PARP16: variants seen among roughly 807,000 people sequenced by gnomAD.
PARP16 encodes the protein poly(ADP-ribose) polymerase family member 16.
Under a neutral mutation model 35.0 loss-of-function variants are expected in PARP16, and 31 were observed. The observed-to-expected ratio is 0.88, with a 90% CI of 0.66 to 1.19. The LOEUF is 1.19. PARP16 is among the 50% of genes most tolerant of loss of function. PARP16 has a pLI of 0.00. For synonymous variants in PARP16, 162 were observed against 169.5 expected, an observed-to-expected ratio of 0.96 and a Z score of 0.34; for missense variants, 424 against 411.2, an observed-to-expected ratio of 1.03 and a Z score of -0.27.
chr15:65,265,303 G>A (rs2089854317), intron 3 of PARP16, among the ~76,000 whole-genome samples: 1 of 152,210 alleles, frequency 6.6e-6, no homozygotes, highest in African/African-American at 2.4e-5. Flanking sequence ...TACACAAAGA[G>A]CCCTTTGCAT....
intron 3 of PARP16, among the ~76,000 whole-genome samples, chr15:65,240,391 C>A (rs1298548858): frequency 6.7e-6 from 1 of 149,110 alleles, no homozygotes; most frequent in African/African-American, 2.5e-5. Flanking sequence ...GCCACAACGC[C>A]CGGCCAATTT....
Position 65,273,276 on chromosome 15 carries a change from C to CAAA in PARP16, c.175-2207_175-2205dup, listed in dbSNP as rs1233896826. On this transcript the variant is annotated intron_variant, in intron 1 of 5. Coordinates refer to ENST00000649807, the MANE Select transcript of PARP16 (RefSeq NM_001316943.2). The stretch of plus-strand genomic sequence containing the variant: ...CTGGTGACAGAGAGAGACTCTGTCT[C>CAAA]AAAAAAAAAAAAAAAAAAGAATACC... Among the ~76,000 whole-genome samples the CAAA allele has an allele frequency of 1.9e-3, 111 of 57,532 alleles. 2 individuals carry two copies. Among genetic ancestry groups the CAAA allele is most frequent in the African/African-American group, 4.2e-3 (81 of 19,248 alleles). The allele number at this position is 57,532 out of a possible 152,430, so 37.7% of individuals were successfully genotyped here. A position where few individuals can be genotyped will look rare whatever the true frequency, so the allele number is the denominator to read the frequency against.
chr15:65,236,455 A>G (rs933161928), intron 3 of PARP16, among the ~76,000 whole-genome samples: 1 of 152,332 alleles, frequency 6.6e-6, no homozygotes, highest in African/African-American at 2.4e-5. Context: ...CTGGAACACC[A>G]TTGGATGCTA....
intron 1 of PARP16, among the ~76,000 whole-genome samples, chr15:65,282,090 C>T (rs1179206467): frequency 6.6e-6 from 1 of 152,208 alleles, no homozygotes; most frequent in East Asian, 1.9e-4. Context: ...CGGCCCACTA[C>T]AGCCTTGACC....
chr15:65,253,540 C>T (rs972777946), downstream of PARP16, among the ~76,000 whole-genome samples: 50 of 151,798 alleles, frequency 3.3e-4, no homozygotes, highest in East Asian at 2.2e-3. Flanking sequence ...CTGTTTTAGC[C>T]GGGATGGTCT....
intron 3 of PARP16, 114 bp downstream of exon 3, chr15:65,266,448 A>T: frequency 1.2e-6 from 1 of 805,284 alleles, no homozygotes; most frequent in Non-Finnish European, 2.1e-6. Flanking sequence ...AGAAGGCGTT[A>T]GTAAACCTAC....
chr15:65,232,312 T>A (rs2088786889), downstream of PARP16, among the ~76,000 whole-genome samples: 3 of 152,184 alleles, frequency 2.0e-5, no homozygotes, highest in South Asian at 6.2e-4. Context: ...TTTCTCTCAG[T>A]AGTGTGTATT....
At chr15:65,284,125 G>T (rs1490696100) in intron 1 of PARP16, among the ~76,000 whole-genome samples, 1 of 152,106 alleles carries the variant, frequency 6.6e-6, no homozygotes, top group South Asian at 2.1e-4. Flanking sequence ...CGCTAAACAC[G>T]TGTTGATTCT....
chr15:65,232,239 C>T (rs2088786153), downstream of PARP16, among the ~76,000 whole-genome samples: 1 of 152,104 alleles, frequency 6.6e-6, no homozygotes, highest in Non-Finnish European at 1.5e-5. Context: ...ATATCTAGCT[C>T]ACACATTCAC....
In PARP16 at chr15:65,286,534, G is replaced by C; in HGVS notation, c.-108C>G. On this transcript the variant is annotated 5_prime_UTR_variant, in exon 1 of 6. Transcript: ENST00000649807. Reference sequence around the variant, plus strand: ...CGGACAATGGGCCGTCAGGGGCCGGGTTCCCAAGCCTGGGGTGGAGCTAGG... The same window carrying C: ...CGGACAATGGGCCGTCAGGGGCCGGCTTCCCAAGCCTGGGGTGGAGCTAGG... 4 of 847,690 alleles carry C rather than the reference G, an allele frequency of 4.7e-6. No homozygotes were observed. The South Asian group carries it at 8.1e-5, about 17-fold the overall frequency. The allele number at this position is 847,690 out of a possible 1,614,324, so 52.5% of individuals were successfully genotyped here.
At chr15:65,251,568 T>A (rs2089358644) in intron 2 of PARP16, among the ~76,000 whole-genome samples, 1 of 149,828 alleles carries the variant, frequency 6.7e-6, no homozygotes, top group Non-Finnish European at 1.5e-5. Context: ...GCCTCTCACA[T>A]TCAGGACCAC....
At chr15:65,278,692 C>G (rs1421216281) in intron 1 of PARP16, among the ~76,000 whole-genome samples, 1 of 152,142 alleles carries the variant, frequency 6.6e-6, no homozygotes, top group Non-Finnish European at 1.5e-5. Flanking sequence ...TGATTCTTAT[C>G]ATCAGGAAAA....
At chr15:65,283,030 T>A (rs2090465805) in intron 1 of PARP16, among the ~76,000 whole-genome samples, 2 of 152,208 alleles carry the variant, frequency 1.3e-5, no homozygotes, top group South Asian at 4.1e-4. Flanking sequence ...CCCCTTTGCA[T>A]GTATCCCATA....
At chr15:65,273,578 T>C (rs1567033958) in intron 1 of PARP16, among the ~76,000 whole-genome samples, 1 of 151,914 alleles carries the variant, frequency 6.6e-6, no homozygotes, top group Non-Finnish European at 1.5e-5. Context: ...GCCTCATATA[T>C]TGTAATAAAA....
intron 3 of PARP16, among the ~76,000 whole-genome samples, chr15:65,235,703 G>A (rs921923443): frequency 6.6e-6 from 1 of 151,332 alleles, no homozygotes; most frequent in African/African-American, 2.4e-5. Flanking sequence ...CAGCTACTCA[G>A]GAGGCTGAGG....
chr15:65,238,815 G>T (rs111343648), intron 3 of PARP16, among the ~76,000 whole-genome samples: 2 of 152,310 alleles, frequency 1.3e-5, no homozygotes, highest in Non-Finnish European at 2.9e-5. Context: ...ATATACCCAT[G>T]AAAGCATCAG....
intron 2 of PARP16, among the ~76,000 whole-genome samples, chr15:65,248,802 C>A (rs773858587): frequency 2.0e-5 from 3 of 152,202 alleles, no homozygotes; most frequent in Admixed American, 6.5e-5. Context: ...CCTCCTCCCC[C>A]ACAGACCCAG....
Position 65,247,559 on chromosome 15 carries a change from A to G in PARP16, c.*97+558T>C, listed in dbSNP as rs566040639. 2.0e-5 allele frequency among the ~76,000 whole-genome samples: 3 copies of G among 152,288 alleles called. No individual in the cohort carries two copies. The South Asian group carries it at 6.2e-4, about 32-fold the overall frequency. On this transcript the variant is annotated intron_variant and NMD_transcript_variant, in intron 3 of 3. Transcript: ENST00000559805. ...TGAGGTGATCTAACCCTTTCATTCTACAGATGAGAGGCCAGATCACAGTGA... is the reference window on the plus strand; with the variant it reads ...TGAGGTGATCTAACCCTTTCATTCTGCAGATGAGAGGCCAGATCACAGTGA...
downstream of PARP16, among the ~76,000 whole-genome samples, chr15:65,231,717 C>T (rs1326758432): frequency 6.6e-6 from 1 of 152,050 alleles, no homozygotes; most frequent in Non-Finnish European, 1.5e-5. Flanking sequence ...CAAAGTGCTG[C>T]AATTACGGGT....
Sources: gnomAD v4.1 joint callset for allele counts (sites outside exome capture counted in the v4.1 genomes callset) on GRCh38, gnomAD v4.1.1 for gene constraint, MANE v1.5 for transcripts, NCBI Gene and HGNC (gene_info 2026-07-23, HGNC 2026-07-21) for gene names.